Variants in ISM1 observed in about 807,000 individuals in gnomAD.
ISM1 encodes the protein isthmin-1.
ISM1 carries 25 observed loss-of-function variants against 46.3 expected under a neutral mutation model. That is an observed-to-expected ratio of 0.54 (90% CI 0.39 to 0.75). The LOEUF is 0.75. ISM1 is among the 30% of genes least tolerant of loss of function. The pLI is 0.00. For synonymous variants in ISM1, 255 were observed against 256.7 expected (o/e 0.99, Z 0.06); for missense variants, 536 against 625.4 (o/e 0.86, Z 1.52).
chr20:13,280,829 G>C (rs1011414331), intron 3 of ISM1, among the ~76,000 whole-genome samples: 1 of 152,158 alleles, frequency 6.6e-6, no homozygotes, highest in African/African-American at 2.4e-5. Flanking sequence ...ACCCAATTTG[G>C]CAAGCATCTG....
intron 1 of ISM1, among the ~76,000 whole-genome samples, chr20:13,265,340 A>G (rs2040031488): frequency 6.6e-6 from 1 of 152,122 alleles, no homozygotes; most frequent in African/African-American, 2.4e-5. Context: ...CAAAGGAAGG[A>G]GTTTTATAAT....
intron 2 of ISM1, among the ~76,000 whole-genome samples, chr20:13,277,981 C>T (rs6105066): frequency 0.27 from 40,505 of 152,076 alleles, 5,671 homozygotes; most frequent in African/African-American, 0.35. Context: ...GGGATGGGCA[C>T]GCCCTGGTGC....
At chr20:13,242,971 A>T (rs1194031410) in intron 1 of ISM1, among the ~76,000 whole-genome samples, 1 of 152,228 alleles carries the variant, frequency 6.6e-6, no homozygotes, top group Non-Finnish European at 1.5e-5. Context: ...ACCTTGAGGT[A>T]GGCATTATTG....
At chr20:13,241,928 G>A (rs576766982) in intron 1 of ISM1, among the ~76,000 whole-genome samples, 1 of 151,952 alleles carries the variant, frequency 6.6e-6, no homozygotes, top group East Asian at 1.9e-4. Flanking sequence ...AAGAGAAAGG[G>A]GCAAGCAGAG....
At chr20:13,248,401 G>A (rs2039826995) in intron 1 of ISM1, among the ~76,000 whole-genome samples, 1 of 152,180 alleles carries the variant, frequency 6.6e-6, no homozygotes, top group Non-Finnish European at 1.5e-5. Context: ...GGCCTTACCA[G>A]TGAGATGTCT....
chr20:13,305,240 A>C (rs138045360), downstream of ISM1, among the ~76,000 whole-genome samples: 353 of 151,264 alleles, frequency 2.3e-3, 1 homozygote, highest in African/African-American at 8.4e-3. Context: ...TTATTATTAG[A>C]TTCAACAGAC....
chr20:13,307,070 T>C, the ISM1 span, among the ~76,000 whole-genome samples: 1 of 152,138 alleles, frequency 6.6e-6, no homozygotes, highest in South Asian at 2.1e-4. Context: ...GCCAGAAAGA[T>C]AAAGGCTTGT....
chr20:13,299,515 G>C lies in ISM1; in HGVS notation c.*56G>C. 4 of 1,466,756 alleles carry C rather than the reference G, an allele frequency of 2.7e-6. No individual in the cohort carries two copies. Among genetic ancestry groups the C allele is most frequent in the Non-Finnish European group, 3.7e-6 (4 of 1,084,106 alleles). The allele number at this position is 1,466,756 out of a possible 1,614,324, so 90.9% of individuals were successfully genotyped here. ...TCTGGTTCTGGAGCACACACGTGCT[G>C]CACTGACGTGCCGACTGGCGCCGAG... On this transcript the variant is annotated 3_prime_UTR_variant, in exon 6 of 6. Coordinates refer to ENST00000262487, the MANE Select transcript of ISM1 (RefSeq NM_080826.2). The surrounding 1 kb of genome is among the most constrained non-coding windows in gnomAD (Gnocchi z 5.8).
chr20:13,324,290 G>C, the ISM1 span, among the ~76,000 whole-genome samples: 3 of 152,184 alleles, frequency 2.0e-5, no homozygotes, highest in Non-Finnish European at 2.9e-5. Context: ...GAATCAATTA[G>C]CTTAAAAATT....
intron 1 of ISM1, chr20:13,237,813 T>C (rs959914131): frequency 1.1e-4 from 16 of 152,220 alleles, no homozygotes; most frequent in African/African-American, 3.9e-4. Context: ...TGGAGTTCAC[T>C]CTCTGGGCTC....
intron 1 of ISM1, among the ~76,000 whole-genome samples, chr20:13,224,748 A>C (rs750794764): frequency 5.9e-5 from 9 of 152,074 alleles, no homozygotes; most frequent in Non-Finnish European, 1.2e-4. Flanking sequence ...ATAAAGTAGT[A>C]GTAAGAAAAG....
chr20:13,317,211 G>C, the ISM1 span, among the ~76,000 whole-genome samples: 1 of 118,294 alleles, frequency 8.5e-6, no homozygotes, highest in Non-Finnish European at 1.9e-5. Flanking sequence ...AAATCCTTAG[G>C]TATAAACCTA....
At chr20:13,254,145 A>T (rs1295480116) in intron 1 of ISM1, among the ~76,000 whole-genome samples, 1 of 151,726 alleles carries the variant, frequency 6.6e-6, no homozygotes, top group Non-Finnish European at 1.5e-5. Context: ...AGGCAGGAGA[A>T]TCACTTGAGC....
At chr20:13,244,816 G>A (rs183811018) in intron 1 of ISM1, among the ~76,000 whole-genome samples, 2 of 152,284 alleles carry the variant, frequency 1.3e-5, no homozygotes, top group Admixed American at 1.3e-4. Flanking sequence ...TTTCACCTAA[G>A]TGTCATATTC....
the ISM1 span, among the ~76,000 whole-genome samples, chr20:13,305,770 G>A: frequency 5.3e-4 from 81 of 152,296 alleles, no homozygotes; most frequent in Non-Finnish European, 9.0e-4. Context: ...TTTAAGGAAC[G>A]AATTTATGAG....
intron 1 of ISM1, among the ~76,000 whole-genome samples, chr20:13,252,900 C>T (rs916160174): frequency 1.3e-5 from 2 of 152,322 alleles, no homozygotes; most frequent in East Asian, 3.9e-4. Flanking sequence ...GATAATTTCT[C>T]CTCTCTCTTA....
intron 1 of ISM1, among the ~76,000 whole-genome samples, chr20:13,222,184 TG>T (rs1397761836): frequency 5.3e-5 from 8 of 150,780 alleles, no homozygotes; most frequent in African/African-American, 2.0e-4. Flanking sequence ...GGTGGGGAGG[TG>T]GGAAGGAGCG....
intron 5 of ISM1, among the ~76,000 whole-genome samples, chr20:13,298,295 C>T (rs1261747745): frequency 1.3e-5 from 2 of 151,914 alleles, no homozygotes; most frequent in African/African-American, 4.8e-5. Context: ...TTAGTAGAGA[C>T]GGGGTTTCAC....
intron 4 of ISM1, among the ~76,000 whole-genome samples, chr20:13,290,769 G>C (rs2040344946): frequency 6.6e-6 from 1 of 152,190 alleles, no homozygotes; most frequent in South Asian, 2.1e-4. Context: ...AATGGCTAAA[G>C]TCCTTACAGG....
Sources: allele counts gnomAD v4.1 joint callset (sites outside exome capture counted in the v4.1 genomes callset), GRCh38; gene constraint gnomAD v4.1.1; non-coding constraint Gnocchi (gnomAD v3.1); transcripts MANE v1.5; gene names NCBI Gene and HGNC (gene_info 2026-07-23, HGNC 2026-07-21).